ROBO2: variants seen among roughly 807,000 people sequenced by gnomAD.
ROBO2 encodes the protein roundabout guidance receptor 2, also known as roundabout homolog 2.
ROBO2 carries 53 observed loss-of-function variants against 160.8 expected under a neutral mutation model. That is an observed-to-expected ratio of 0.33 (90% CI 0.26 to 0.41). The LOEUF is 0.41. Among genes scored for constraint, ROBO2 ranks in the 10% least tolerant of loss-of-function variants. The pLI is 1.00. For synonymous variants in ROBO2, 664 were observed against 611.7 expected, an observed-to-expected ratio of 1.09 and a Z score of -1.26; for missense variants, 1,577 against 1,722.4, an observed-to-expected ratio of 0.92 and a Z score of 1.49.
intron 21 of ROBO2, among the ~76,000 whole-genome samples, chr3:77,610,820 C>G (rs963632311): frequency 6.8e-6 from 1 of 148,148 alleles, no homozygotes; most frequent in South Asian, 2.1e-4. Context: ...AGCAGATAGT[C>G]CCATTAGTCT....
intron 2 of ROBO2, among the ~76,000 whole-genome samples, chr3:76,242,074 A>G (rs1327054298): frequency 6.6e-6 from 1 of 152,162 alleles, no homozygotes; most frequent in East Asian, 1.9e-4. Context: ...TTTTCCCTAA[A>G]TGACTGAAAA....
chr3:76,913,014 A>G (rs1329091313), intron 2 of ROBO2, among the ~76,000 whole-genome samples: 1 of 152,150 alleles, frequency 6.6e-6, no homozygotes, highest in African/African-American at 2.4e-5. Context: ...GAGTAACTCA[A>G]GCATAAACAG....
At chr3:76,972,296 T>G (rs7642255) in intron 2 of ROBO2, among the ~76,000 whole-genome samples, 11,860 of 152,166 alleles carry the variant, frequency 0.078, 1,560 homozygotes, top group African/African-American at 0.27. Flanking sequence ...CATTCAAAAA[T>G]AATGTTTATT....
intron 2 of ROBO2, among the ~76,000 whole-genome samples, chr3:77,018,958 GA>G (rs2062453360): frequency 6.6e-6 from 1 of 152,138 alleles, no homozygotes; most frequent in African/African-American, 2.4e-5. Flanking sequence ...GAATTACCAT[GA>G]AAAAACAGCC....
In ROBO2 at chr3:77,535,065, C is replaced by G. The variant is rs189329324; in HGVS notation, c.935-11273C>G. ...GATAAAATACAACAAAAAGAAGGCA[C>G]TAATGAGCTAGGATGGTGACTTACT... On this transcript the variant is annotated intron_variant, in intron 6 of 25. Transcript: ENST00000461745. 1.9e-3 allele frequency among the ~76,000 whole-genome samples: 285 copies of G among 152,250 alleles called. 2 individuals carry two copies. The highest frequency in any genetic ancestry group is 4.4e-3 in the South Asian group (21 of 4,822).
At chr3:75,919,064 C>T (rs1194847831) in intron 1 of ROBO2, among the ~76,000 whole-genome samples, 2 of 152,132 alleles carry the variant, frequency 1.3e-5, no homozygotes, top group African/African-American at 4.8e-5. Context: ...GCCAGAACTT[C>T]CAATACTATG....
intron 2 of ROBO2, among the ~76,000 whole-genome samples, chr3:77,166,607 G>A (rs146035583): frequency 0.038 from 5,720 of 152,214 alleles, 157 homozygotes; most frequent in East Asian, 0.087. Context: ...CGCCCAGGCT[G>A]GGGTGCGGTG....
intron 24 of ROBO2, among the ~76,000 whole-genome samples, chr3:77,641,109 C>A (rs952131621): frequency 6.6e-6 from 1 of 152,174 alleles, no homozygotes; most frequent in Non-Finnish European, 1.5e-5. Context: ...GAAGTCAGTA[C>A]TATCGAATAT....
intron 2 of ROBO2, among the ~76,000 whole-genome samples, chr3:76,830,036 A>G (rs977660785): frequency 5.9e-4 from 90 of 152,112 alleles, no homozygotes; most frequent in African/African-American, 2.0e-3. Context: ...TTTTGAAACC[A>G]CCTCCAATCA....
At chr3:77,277,230 G>GTCTTTCTTTCTTTCTTTCTTTCTT (rs55905700) in intron 2 of ROBO2, among the ~76,000 whole-genome samples, 142 of 96,846 alleles carry the variant, frequency 1.5e-3, no homozygotes, top group African/African-American at 6.4e-3. Context: ...TTTCTTTCTT[G>GTCTTTCTTTCTTTCTTTCTTTCTT]TCTTTCTTTC....
intron 2 of ROBO2, among the ~76,000 whole-genome samples, chr3:76,025,928 T>C (rs572763966): frequency 6.6e-6 from 1 of 151,996 alleles, no homozygotes; most frequent in East Asian, 1.9e-4. Flanking sequence ...ACATGAGCTC[T>C]ACCATCCTAT....
chr3:76,637,265 A>G (rs73841251), intron 2 of ROBO2, among the ~76,000 whole-genome samples: 9,458 of 152,008 alleles, frequency 0.062, 936 homozygotes, highest in African/African-American at 0.21. Context: ...AACCCTGGAG[A>G]TGTTGAGGTT....
intron 8 of ROBO2, among the ~76,000 whole-genome samples, chr3:77,553,835 T>A (rs898431716): frequency 6.6e-6 from 1 of 151,936 alleles, no homozygotes; most frequent in African/African-American, 2.4e-5. Context: ...AAAAAAGCCA[T>A]CTTCATAACT....
chr3:77,626,733 C>T (rs977298185), intron 23 of ROBO2, among the ~76,000 whole-genome samples: 1 of 152,104 alleles, frequency 6.6e-6, no homozygotes. Flanking sequence ...ATTCTAACTG[C>T]CTCAGTGATC....
intron 2 of ROBO2, among the ~76,000 whole-genome samples, chr3:75,974,337 A>T (rs2065078463): frequency 1.3e-5 from 2 of 151,664 alleles, no homozygotes; most frequent in Non-Finnish European, 3.0e-5. Context: ...TTTTGTTCAG[A>T]GGCACTCAGT....
intron 2 of ROBO2, among the ~76,000 whole-genome samples, chr3:76,644,139 A>G (rs1461934132): frequency 6.6e-6 from 1 of 152,206 alleles, no homozygotes; most frequent in Non-Finnish European, 1.5e-5. Context: ...CAATAAGGGC[A>G]GGCACTATCT....
chr3:76,471,846 A>T (rs1232840438), intron 2 of ROBO2, among the ~76,000 whole-genome samples: 2 of 152,072 alleles, frequency 1.3e-5, no homozygotes, highest in Non-Finnish European at 2.9e-5. Context: ...GATGGCAGGA[A>T]GGAGAAGTGC....
intron 2 of ROBO2, among the ~76,000 whole-genome samples, chr3:77,460,833 T>C (rs543747251): frequency 1.2e-4 from 18 of 152,318 alleles, no homozygotes; most frequent in African/African-American, 3.4e-4. Flanking sequence ...TAATAGCTGA[T>C]AGCTAATTTC....
intron 2 of ROBO2, among the ~76,000 whole-genome samples, chr3:76,923,436 C>T (rs2076793798): frequency 6.6e-6 from 1 of 152,180 alleles, no homozygotes; most frequent in Non-Finnish European, 1.5e-5. Flanking sequence ...GCTAAAATGG[C>T]AGGTGGGTGC....
Sources: gnomAD v4.1 joint callset for allele counts (sites outside exome capture counted in the v4.1 genomes callset) on GRCh38, gnomAD v4.1.1 for gene constraint, MANE v1.5 for transcripts, NCBI Gene and HGNC (gene_info 2026-07-23, HGNC 2026-07-21) for gene names.